FHIP1A: variants seen among roughly 807,000 people sequenced by gnomAD.
FHIP1A encodes the protein FHF complex subunit HOOK interacting protein 1A.
In FHIP1A, 61 loss-of-function variants were observed where a neutral mutation model predicts 88.6. That is an observed-to-expected ratio of 0.69 (90% CI 0.56 to 0.85). FHIP1A has a LOEUF of 0.85. Among genes scored for constraint, FHIP1A ranks in the 40% least tolerant of loss-of-function variants. The pLI is 0.00. For missense variants in FHIP1A, 1,154 were observed against 1,273.5 expected (o/e 0.91, Z 1.43); for synonymous variants, 478 against 496.0 (o/e 0.96, Z 0.48).
chr4:151,544,253 G>A (rs1384577466), intron 3 of FHIP1A, among the ~76,000 whole-genome samples: 1 of 152,218 alleles, frequency 6.6e-6, no homozygotes, highest in East Asian at 1.9e-4. Flanking sequence ...AGCAGAATAA[G>A]TATTATGTTT....
At chr4:151,456,332 A>C (rs1443021771) in intron 2 of FHIP1A, among the ~76,000 whole-genome samples, 3 of 152,202 alleles carry the variant, frequency 2.0e-5, no homozygotes, top group Non-Finnish European at 4.4e-5. Flanking sequence ...AATAAATGCA[A>C]AGTAAAAGAC....
chr4:151,413,779 A>G (rs936173464), intron 1 of FHIP1A, among the ~76,000 whole-genome samples: 10 of 152,154 alleles, frequency 6.6e-5, no homozygotes, highest in African/African-American at 2.2e-4. Flanking sequence ...TAAAAAAAAA[A>G]GCCCTTTGGC....
chr4:151,523,276 A>G (rs935975550), intron 3 of FHIP1A, among the ~76,000 whole-genome samples: 1 of 152,144 alleles, frequency 6.6e-6, no homozygotes, highest in African/African-American at 2.4e-5. Context: ...ATTCTTTTCT[A>G]TTAAAAGGCT....
chr4:151,456,397 G>A (rs72728103), intron 2 of FHIP1A, among the ~76,000 whole-genome samples: 2,472 of 152,268 alleles, frequency 0.016, 20 homozygotes, highest in Non-Finnish European at 0.026. Flanking sequence ...TACAGAGCTG[G>A]AGTGCTGTGG....
chr4:151,549,972 A>G lies in FHIP1A; in HGVS notation c.-122-16166A>G, dbSNP rs569585829. ...CTTACTTTCTACCTTTTGTAATCAG[A>G]AGACTTGAAAAATCTTTAAAAAGGG... On this transcript the variant is annotated intron_variant, in intron 3 of 13. Coordinates refer to ENST00000435205, the MANE Select transcript of FHIP1A (RefSeq NM_001109977.3). Among the ~76,000 whole-genome samples, 5 of 152,290 alleles carry G rather than the reference A, an allele frequency of 3.3e-5. No individual in the cohort carries two copies. The South Asian group carries it at 1.0e-3, about 32-fold the overall frequency.
At chr4:151,601,286 C>T (rs1734857145) in intron 7 of FHIP1A, among the ~76,000 whole-genome samples, 1 of 151,910 alleles carries the variant, frequency 6.6e-6, no homozygotes, top group Admixed American at 6.6e-5. Flanking sequence ...CCATACAGGT[C>T]TACTGGGGGG....
intron 3 of FHIP1A, among the ~76,000 whole-genome samples, chr4:151,523,630 G>A (rs932597978): frequency 1.3e-5 from 2 of 152,180 alleles, no homozygotes; most frequent in Non-Finnish European, 2.9e-5. Flanking sequence ...GAGCAAAGCA[G>A]ATATGGTCCT....
intron 4 of FHIP1A, among the ~76,000 whole-genome samples, chr4:151,574,148 A>T (rs1232368524): frequency 6.6e-6 from 1 of 152,240 alleles, no homozygotes; most frequent in Non-Finnish European, 1.5e-5. Flanking sequence ...ACACAAGCAT[A>T]ATCAGCACTT....
intron 13 of FHIP1A, among the ~76,000 whole-genome samples, chr4:151,661,766 C>T (rs759681629): frequency 5.3e-5 from 8 of 152,108 alleles, no homozygotes; most frequent in Non-Finnish European, 1.0e-4. Flanking sequence ...TCATCTTAAG[C>T]CTATGTTATT....
At chr4:151,561,765 C>T (rs1733182578) in intron 3 of FHIP1A, among the ~76,000 whole-genome samples, 1 of 151,926 alleles carries the variant, frequency 6.6e-6, no homozygotes, top group Non-Finnish European at 1.5e-5. Flanking sequence ...CAAAAAAAAC[C>T]TCAATCATGG....
chr4:151,577,964 G>A lies in FHIP1A; in HGVS notation c.620G>A (p.Arg207Gln), dbSNP rs905792693. ...TCCCTTCTGATTCCCTTCATTCACC[G>A]AGAGGGGTCAGTAGGCCAGCAAGCT... ...IFSLLIPFIH[R>Q]EGSVGQQARD... Residue 207 changes from arginine (R) to glutamine (Q), a missense_variant, in exon 5 of 14, where the codon CGA becomes CAA. By Grantham distance (43) the Arg-to-Gln change is conservative (BLOSUM62 1). Transcript: ENST00000435205. 13 of 1,551,184 alleles carry A rather than the reference G, an allele frequency of 8.4e-6. No individual in the cohort carries two copies. Among genetic ancestry groups the A allele is most frequent in the African/African-American group, 1.4e-5 (1 of 72,972 alleles).
At chr4:151,410,841 C>T (rs535009073) in intron 1 of FHIP1A, among the ~76,000 whole-genome samples, 78 of 152,360 alleles carry the variant, frequency 5.1e-4, no homozygotes, top group African/African-American at 1.9e-3. Context: ...CAGTTAATCC[C>T]TTTCCGCAGA....
chr4:151,569,999 CA>C (rs1049762003), intron 4 of FHIP1A, among the ~76,000 whole-genome samples: 78 of 152,290 alleles, frequency 5.1e-4, no homozygotes, highest in African/African-American at 1.9e-3. Flanking sequence ...GACTTCCTGT[CA>C]CCTTCTGAGA....
chr4:151,587,060 A>G (rs1734245230), intron 6 of FHIP1A, among the ~76,000 whole-genome samples: 2 of 151,684 alleles, frequency 1.3e-5, no homozygotes, highest in African/African-American at 4.8e-5. Context: ...CTACTTAACC[A>G]TCAAAAATAA....
intron 9 of FHIP1A, among the ~76,000 whole-genome samples, chr4:151,640,591 T>C (rs1004275076): frequency 1.3e-5 from 2 of 152,246 alleles, no homozygotes; most frequent in Non-Finnish European, 2.9e-5. Flanking sequence ...ACCAGGCTTT[T>C]ACTCCAAAGT....
chr4:151,657,366 CA>C (rs144211928), intron 13 of FHIP1A, among the ~76,000 whole-genome samples: 1 of 151,518 alleles, frequency 6.6e-6, no homozygotes, highest in East Asian at 1.9e-4. Context: ...AAACACAAAA[CA>C]AAAAAACGGT....
At chr4:151,614,136 C>T (rs924838501) in intron 7 of FHIP1A, among the ~76,000 whole-genome samples, 2 of 149,008 alleles carry the variant, frequency 1.3e-5, no homozygotes, top group Non-Finnish European at 3.0e-5. Context: ...GCACTCTAGC[C>T]TGGGTGACAG....
chr4:151,591,026 C>T (rs557047784), intron 7 of FHIP1A, among the ~76,000 whole-genome samples: 270 of 151,910 alleles, frequency 1.8e-3, no homozygotes, highest in Non-Finnish European at 2.5e-3. Flanking sequence ...CTAGGGAGAA[C>T]AAAGATGAAT....
intron 2 of FHIP1A, among the ~76,000 whole-genome samples, chr4:151,465,664 G>A (rs1729284190): frequency 6.6e-6 from 1 of 152,166 alleles, no homozygotes; most frequent in Admixed American, 6.5e-5. Flanking sequence ...ACATCAAAAA[G>A]CTTGTCCACC....
Sources: gnomAD v4.1 joint callset for allele counts (sites outside exome capture counted in the v4.1 genomes callset) on GRCh38, gnomAD v4.1.1 for gene constraint, MANE v1.5 for transcripts, NCBI Gene and HGNC (gene_info 2026-07-23, HGNC 2026-07-21) for gene names.